The following ZDHHC11 variants were observed in gnomAD, a reference collection of about 807,000 sequenced individuals.
The protein encoded by ZDHHC11 is palmitoyltransferase ZDHHC11.
A neutral mutation model predicts 51.3 loss-of-function variants in ZDHHC11; 44 were observed. That is an observed-to-expected ratio of 0.86 (90% CI 0.67 to 1.10). ZDHHC11 has a LOEUF of 1.10. ZDHHC11 is among the 50% of genes least tolerant of loss of function. The pLI, the probability that ZDHHC11 is intolerant of heterozygous loss-of-function variation, is 0.00. For missense variants in ZDHHC11, 400 were observed against 537.7 expected, an observed-to-expected ratio of 0.74 and a Z score of 2.53; for synonymous variants, 163 against 222.0, an observed-to-expected ratio of 0.73 and a Z score of 2.36.
intron 11 of ZDHHC11, among the ~76,000 whole-genome samples, chr5:803,688 A>T (rs2150288729): frequency 6.6e-6 from 1 of 151,322 alleles, no homozygotes; most frequent in Non-Finnish European, 1.5e-5. Flanking sequence ...ACTACTAGTC[A>T]AACACATTAA....
intron 11 of ZDHHC11, among the ~76,000 whole-genome samples, chr5:803,661 A>G (rs1684262193): frequency 6.6e-6 from 1 of 151,150 alleles, no homozygotes. Context: ...TATGTCTGTG[A>G]AAGTTCAGAC....
chr5:852,284 G>A (rs1040547810), upstream of ZDHHC11, among the ~76,000 whole-genome samples: 16 of 152,216 alleles, frequency 1.1e-4, no homozygotes, highest in South Asian at 6.2e-4. Flanking sequence ...ATCGCTCAGC[G>A]GCCTTGAGCC....
At position 819,593 on chromosome 5, in the gene ZDHHC11, G is replaced by A. The variant is rs147814910; in HGVS notation, c.1078C>T (p.Arg360Trp). ...SALGAKARNSRLICRRLCQFS... is the reference protein window; with the variant it reads ...SALGAKARNSWLICRRLCQFS... The stretch of plus-strand genomic sequence containing the variant: ...TGACACAGGCGCCTGCAAATCAGCC[G>A]GGAGTTCCTGGCCTTGGCTCTGGTG... The change falls in exon 10 of 13, where the codon CGG becomes TGG. Residue 360 changes from arginine to tryptophan, a missense_variant. By Grantham distance (101) the Arg-to-Trp change is moderately radical (BLOSUM62 -3). Coordinates refer to ENST00000283441, the MANE Select transcript of ZDHHC11 (RefSeq NM_024786.3). 1.3e-5 allele frequency: 21 copies of A among 1,609,368 alleles called. No homozygotes were observed. The highest frequency in any genetic ancestry group is 1.1e-4 in the African/African-American group (8 of 74,722).
At chr5:816,753 C>T in intron 10 of ZDHHC11, 1 of 505,864 alleles carries the variant, frequency 2.0e-6, no homozygotes, top group South Asian at 1.7e-5. Context: ...TCGTGGCCCA[C>T]AGAAAAGAGC....
chr5:828,476 G>A (rs912150101), intron 7 of ZDHHC11, among the ~76,000 whole-genome samples: 4 of 151,240 alleles, frequency 2.6e-5, no homozygotes, highest in South Asian at 2.1e-4. Flanking sequence ...CCTCCCTCCC[G>A]GACGGGGGAC....
At chr5:829,859 A>G (rs111353073) in intron 7 of ZDHHC11, among the ~76,000 whole-genome samples, 6,323 of 151,312 alleles carry the variant, frequency 0.042, 599 homozygotes, top group African/African-American at 0.14. Context: ...TAAATGTGAT[A>G]CCTCACATAA....
chr5:823,477 A>G lies in ZDHHC11; in HGVS notation c.1024-1582T>C, dbSNP rs1307929444. 7 of 151,840 alleles carry G rather than the reference A, an allele frequency of 4.6e-5. 1 individual carries two copies. Among genetic ancestry groups the G allele is most frequent in the African/African-American group, 7.3e-5 (3 of 41,330 alleles). 9.4% of individuals were successfully genotyped at this position (151,840 alleles called of 1,614,324 possible). A position where few individuals can be genotyped will look rare whatever the true frequency, so the allele number is the denominator to read the frequency against. ...CAGTTTGTTCCATTCATCTACTCAG[A>G]GCATCTTCTTTGGACAACACTGTCT... On this transcript the variant is annotated intron_variant, in intron 8 of 12. Coordinates refer to ENST00000283441, the MANE Select transcript of ZDHHC11 (RefSeq NM_024786.3).
intron 11 of ZDHHC11, among the ~76,000 whole-genome samples, chr5:813,194 G>A (rs1452590454): frequency 2.1e-5 from 3 of 141,880 alleles, no homozygotes; most frequent in Non-Finnish European, 3.0e-5. Context: ...TCAGTGTGGT[G>A]GCATGAGCCT....
intron 10 of ZDHHC11, chr5:816,479 GA>G: frequency 4.1e-6 from 2 of 493,704 alleles, no homozygotes; most frequent in Non-Finnish European, 4.0e-6. Flanking sequence ...GATATGCCTG[GA>G]AAAACGGACA....
intron 4 of ZDHHC11, chr5:843,321 C>T (rs1745373237): frequency 1.1e-5 from 6 of 566,980 alleles, no homozygotes; most frequent in Non-Finnish European, 1.5e-5. Flanking sequence ...AGGGCAGGGG[C>T]AGAGGTGGAC....
At chr5:840,282 T>A (rs1177435753) in intron 5 of ZDHHC11, 1 of 816,502 alleles carries the variant, frequency 1.2e-6, no homozygotes, top group African/African-American at 1.7e-5. Context: ...TGGGTCCTCA[T>A]GGATTTAATT....
At chr5:841,167 C>T (rs1199964570) in intron 4 of ZDHHC11, 2 of 1,022,038 alleles carry the variant, frequency 2.0e-6, no homozygotes, top group Non-Finnish European at 2.3e-6. Context: ...CCCACCCCTT[C>T]CTAAGTGCCG....
Position 814,799 on chromosome 5 carries a change from TG to T in ZDHHC11, c.1147-5del, listed in dbSNP as rs947938521. 1.6e-5 allele frequency: 25 copies of T among 1,536,462 alleles called. No homozygotes were observed. Among genetic ancestry groups the T allele is most frequent in the East Asian group, 4.8e-5 (2 of 41,900 alleles). Reference sequence around the variant, plus strand: ...TACTCGGGGCATCATCTGCTTCCTGTGGGGGGAAGGGATGCAAAATTCATAG... The same window carrying T: ...TACTCGGGGCATCATCTGCTTCCTGTGGGGGAAGGGATGCAAAATTCATAG... On this transcript the variant is annotated splice_polypyrimidine_tract_variant and splice_region_variant and intron_variant, in intron 10 of 12. Transcript: ENST00000283441.
upstream of ZDHHC11, among the ~76,000 whole-genome samples, chr5:853,430 CAG>C (rs1747615430): frequency 6.9e-6 from 1 of 145,752 alleles, no homozygotes; most frequent in African/African-American, 2.6e-5. Context: ...ACAGACCCCA[CAG>C]AGGACAGTGA....
intron 6 of ZDHHC11, among the ~76,000 whole-genome samples, chr5:835,965 G>C (rs1240431407): frequency 6.6e-6 from 1 of 151,778 alleles, no homozygotes; most frequent in Non-Finnish European, 1.5e-5. Flanking sequence ...ATCTTAACTA[G>C]GTCTTAAAAC....
At chr5:831,317 C>T (rs1294926813) in intron 7 of ZDHHC11, among the ~76,000 whole-genome samples, 16 of 149,394 alleles carry the variant, frequency 1.1e-4, no homozygotes, top group Admixed American at 4.1e-4. Flanking sequence ...GGTGTGGTGG[C>T]TCATGTCTGT....
chr5:818,891 G>A lies in ZDHHC11; in HGVS notation c.1146+634C>T, dbSNP rs140214130. On this transcript the variant is annotated intron_variant, in intron 10 of 12. Coordinates refer to ENST00000283441, the MANE Select transcript of ZDHHC11 (RefSeq NM_024786.3). ...AATAAATAACAACCCAGTAGAAACC[G>A]CTGGAAGCTGACCCCAGAGCAGGAA... Among the ~76,000 whole-genome samples, 8 of 151,452 alleles carry A rather than the reference G, an allele frequency of 5.3e-5. No homozygotes were observed. The East Asian group carries it at 1.2e-3, about 22-fold the overall frequency.
At chr5:860,372 G>A (rs1002615249), upstream of ZDHHC11, among the ~76,000 whole-genome samples, 19 of 152,252 alleles carry the variant, frequency 1.2e-4, no homozygotes, top group African/African-American at 4.6e-4. The surrounding 1 kb of genome is among the most constrained non-coding windows in gnomAD (Gnocchi z 4.2). Context: ...CCAAACTCAG[G>A]ACAACTGGCT....
At chr5:841,980 C>T (rs540874754) in intron 4 of ZDHHC11, 340 of 989,264 alleles carry the variant, frequency 3.4e-4, no homozygotes, top group Non-Finnish European at 3.6e-4. Context: ...CTGGGCCGGG[C>T]TGGACCCCAT....
Sources: allele counts gnomAD v4.1 joint callset (sites outside exome capture counted in the v4.1 genomes callset), GRCh38; gene constraint gnomAD v4.1.1; non-coding constraint Gnocchi (gnomAD v3.1); transcripts MANE v1.5; gene names NCBI Gene and HGNC (gene_info 2026-07-23, HGNC 2026-07-21).